NDRG3: variants seen among roughly 807,000 people sequenced by gnomAD.
NDRG3 encodes the protein NDRG family member 3, also known as protein NDRG3.
NDRG3 carries 23 observed loss-of-function variants against 57.2 expected under a neutral mutation model. The observed-to-expected ratio is 0.40, with a 90% CI of 0.29 to 0.57. The LOEUF (loss-of-function observed/expected upper bound fraction) is 0.57. NDRG3 is among the 20% of genes least tolerant of loss of function. The pLI is 0.42. For missense variants in NDRG3, 384 were observed against 457.3 expected, an observed-to-expected ratio of 0.84 and a Z score of 1.46; for synonymous variants, 132 against 162.6, an observed-to-expected ratio of 0.81 and a Z score of 1.43.
At chr20:36,677,730 C>T (rs776490036) in intron 8 of NDRG3, among the ~76,000 whole-genome samples, 32 of 152,286 alleles carry the variant, frequency 2.1e-4, no homozygotes, top group Admixed American at 2.6e-4. Context: ...GACGACCTGC[C>T]TACAGAGAGG....
intron 2 of NDRG3, among the ~76,000 whole-genome samples, chr20:36,717,848 G>T (rs955033364): frequency 1.3e-5 from 2 of 152,158 alleles, no homozygotes; most frequent in Non-Finnish European, 2.9e-5. Context: ...GACATTTTTG[G>T]TTGTCACCAC....
chr20:36,717,433 C>T (rs753419056), intron 2 of NDRG3, among the ~76,000 whole-genome samples: 2 of 152,186 alleles, frequency 1.3e-5, no homozygotes, highest in Non-Finnish European at 2.9e-5. Flanking sequence ...AAATACTACA[C>T]ATTTTTAGGC....
intron 5 of NDRG3, among the ~76,000 whole-genome samples, chr20:36,685,512 T>C (rs1001479046): frequency 1.3e-5 from 2 of 152,118 alleles, no homozygotes; most frequent in Admixed American, 6.6e-5. Context: ...AGTCTCGCTA[T>C]GTTGCCAGGG....
At chr20:36,689,568 T>C (rs2148123156) in intron 3 of NDRG3, among the ~76,000 whole-genome samples, 1 of 152,272 alleles carries the variant, frequency 6.6e-6, no homozygotes, top group South Asian at 2.1e-4. Context: ...CCTTCTTTCC[T>C]GGGAGCTGTC....
At chr20:36,681,767 G>A (rs1331709467) in intron 7 of NDRG3, among the ~76,000 whole-genome samples, 2 of 150,856 alleles carry the variant, frequency 1.3e-5, no homozygotes, top group African/African-American at 2.4e-5. Context: ...ATGCTATCTC[G>A]GCTCACTACA....
chr20:36,656,223 A>C, intron 15 of NDRG3, 137 bp downstream of exon 15: 1 of 715,050 alleles, frequency 1.4e-6, no homozygotes, highest in South Asian at 1.9e-5. Flanking sequence ...TGAATGTTCC[A>C]TAAACATTTC....
intron 3 of NDRG3, among the ~76,000 whole-genome samples, chr20:36,697,560 T>C (rs1007336332): frequency 6.6e-6 from 1 of 152,044 alleles, no homozygotes; most frequent in Non-Finnish European, 1.5e-5. Context: ...ATACAAAAAT[T>C]AGCCAGGCGT....
At chr20:36,695,603 C>G (rs1982715187) in intron 3 of NDRG3, among the ~76,000 whole-genome samples, 1 of 152,174 alleles carries the variant, frequency 6.6e-6, no homozygotes, top group Non-Finnish European at 1.5e-5. Flanking sequence ...ACGTCCTGGT[C>G]TCCTGCAGCG....
chr20:36,707,566 A>G (rs1395778596), intron 2 of NDRG3, among the ~76,000 whole-genome samples: 1 of 152,342 alleles, frequency 6.6e-6, no homozygotes, highest in East Asian at 1.9e-4. Context: ...TTCTTAATAC[A>G]CTGGCCTATC....
intron 3 of NDRG3, among the ~76,000 whole-genome samples, chr20:36,690,066 G>C (rs1982139269): frequency 6.6e-6 from 1 of 152,068 alleles, no homozygotes; most frequent in Non-Finnish European, 1.5e-5. Flanking sequence ...CTCTCCTCTT[G>C]AAAAGAGGAA....
intron 8 of NDRG3, among the ~76,000 whole-genome samples, chr20:36,676,532 G>A (rs1202604596): frequency 2.6e-5 from 4 of 152,120 alleles, no homozygotes; most frequent in Non-Finnish European, 5.9e-5. Flanking sequence ...GCACGATCTT[G>A]GCTCACTGCA....
chr20:36,702,451 G>A (rs1030361437), intron 3 of NDRG3, among the ~76,000 whole-genome samples: 2 of 151,996 alleles, frequency 1.3e-5, no homozygotes, highest in Non-Finnish European at 2.9e-5. Context: ...ATTTTTATTA[G>A]TATGAACTGT....
At chr20:36,722,614 A>C (rs914512327) in intron 1 of NDRG3, among the ~76,000 whole-genome samples, 4 of 152,132 alleles carry the variant, frequency 2.6e-5, no homozygotes, top group Non-Finnish European at 5.9e-5. Flanking sequence ...CAGGATGAGG[A>C]CTTGAATTAG....
At chr20:36,702,612 C>T (rs919683535) in intron 3 of NDRG3, among the ~76,000 whole-genome samples, 2 of 152,058 alleles carry the variant, frequency 1.3e-5, no homozygotes, top group Admixed American at 1.3e-4. Context: ...CACACTCTGC[C>T]TCCCGGGTTC....
At chr20:36,739,134 C>CAAA (rs57208101) in intron 1 of NDRG3, among the ~76,000 whole-genome samples, 8 of 87,290 alleles carry the variant, frequency 9.2e-5, no homozygotes, top group Non-Finnish European at 1.2e-4. Flanking sequence ...GACCCCATCT[C>CAAA]AAAAAAAAAA....
At chr20:36,675,869 T>C (rs1600877349) in intron 8 of NDRG3, among the ~76,000 whole-genome samples, 1 of 152,116 alleles carries the variant, frequency 6.6e-6, no homozygotes, top group Admixed American at 6.6e-5. Context: ...TGGTGGTATT[T>C]TGGAGACTTT....
chr20:36,745,311 G>C (rs772054515), intron 1 of NDRG3, among the ~76,000 whole-genome samples: 1 of 152,166 alleles, frequency 6.6e-6, no homozygotes, highest in Non-Finnish European at 1.5e-5. Flanking sequence ...CCGACAACAA[G>C]AAAATCTTTT....
chr20:36,670,362 T>C (rs774441839), intron 9 of NDRG3, among the ~76,000 whole-genome samples: 13 of 152,140 alleles, frequency 8.5e-5, no homozygotes, highest in African/African-American at 1.2e-4. Flanking sequence ...AAGCAGAATA[T>C]GGGGTAGGTG....
chr20:36,733,718 A>T (rs1329462316), intron 1 of NDRG3, among the ~76,000 whole-genome samples: 1 of 151,930 alleles, frequency 6.6e-6, no homozygotes, highest in African/African-American at 2.4e-5. Context: ...AAAAAAAAAT[A>T]AAAAACACAC....
Sources: gnomAD v4.1 joint callset for allele counts (sites outside exome capture counted in the v4.1 genomes callset) on GRCh38, gnomAD v4.1.1 for gene constraint, MANE v1.5 for transcripts, NCBI Gene and HGNC (gene_info 2026-07-23, HGNC 2026-07-21) for gene names.